PREX1: variants seen among roughly 807,000 people sequenced by gnomAD.
The protein encoded by PREX1 is phosphatidylinositol-3,4,5-trisphosphate dependent Rac exchange factor 1.
A neutral mutation model predicts 198.3 loss-of-function variants in PREX1; 41 were observed. The observed-to-expected ratio is 0.21, with a 90% CI of 0.16 to 0.27. PREX1 has a LOEUF of 0.27. Ranked by LOEUF, PREX1 falls within the 10% of genes least tolerant of loss-of-function variation. The pLI is 1.00. For missense variants in PREX1, 1,620 were observed against 2,200.7 expected (o/e 0.74, Z 5.28); for synonymous variants, 843 against 887.2 (o/e 0.95, Z 0.89).
chr20:48,797,078 A>G (rs1303382680), intron 1 of PREX1, among the ~76,000 whole-genome samples: 1 of 152,038 alleles, frequency 6.6e-6, no homozygotes, highest in Non-Finnish European at 1.5e-5. Context: ...TACAAGATAT[A>G]CCTAAAATAA....
Position 48,827,974 on chromosome 20 carries a change from G to C in PREX1, c.-114C>G. 3 of 291,318 alleles carry C rather than the reference G, an allele frequency of 1.0e-5. No individual in the cohort carries two copies. The highest frequency in any genetic ancestry group is 1.5e-5 in the Non-Finnish European group (3 of 198,854). The allele number at this position is 291,318 out of a possible 1,614,324, so 18.0% of individuals were successfully genotyped here. A position where few individuals can be genotyped will look rare whatever the true frequency, so the allele number is the denominator to read the frequency against. The stretch of plus-strand genomic sequence containing the variant: ...GGCGGGCCGGGCTCAGCGGCGGGCC[G>C]GGCTCCCGGCGCGGCGGGCGGGACT... On this transcript the variant is annotated 5_prime_UTR_variant, in exon 1 of 40. Transcript: ENST00000371941. This position sits in a 1 kb window ranked among gnomAD's most constrained non-coding sequence, Gnocchi z 4.1.
intron 1 of PREX1, among the ~76,000 whole-genome samples, chr20:48,770,390 AC>A (rs2090229973): frequency 6.6e-6 from 1 of 152,032 alleles, no homozygotes; most frequent in Non-Finnish European, 1.5e-5. Flanking sequence ...GTCAGGGAGG[AC>A]CCTGAGCATG....
At position 48,629,504 on chromosome 20, in the gene PREX1, G is replaced by C; in HGVS notation, c.4711C>G (p.Leu1571Val). The C allele has an allele frequency of 6.2e-7, 1 of 1,614,076 alleles. No homozygotes were observed. Among genetic ancestry groups the C allele is most frequent in the South Asian group, 1.1e-5 (1 of 91,088 alleles). ...GAGLIPISSE[L>V]CYRLGACQMV... ...TGGCAGGCCCCCAGGCGGTAGCAGA[G>C]CTCCGAGGAGATGGGGATGAGGCCG... The change falls in exon 37 of 40, where the codon CTC becomes GTC. Residue 1571 changes from leucine to valine, a missense_variant. Around this residue, in one of 7 missense-constraint regions of PREX1, gnomAD observed 476 missense variants for 603.4 expected, o/e 0.79. Transcript: ENST00000371941.
Position 48,625,866 on chromosome 20 carries a change from G to C in PREX1, c.*19C>G, listed in dbSNP as rs1311870290. Reference sequence around the variant, plus strand: ...TCCCAGCTCCAGAGGCCGCGGCCCAGCGTGGGGCATTTGGGTGTTCAGAGG... The same window carrying C: ...TCCCAGCTCCAGAGGCCGCGGCCCACCGTGGGGCATTTGGGTGTTCAGAGG... On this transcript the variant is annotated 3_prime_UTR_variant, in exon 40 of 40. Transcript: ENST00000371941. 6.4e-7 allele frequency: 1 copy of C among 1,557,728 alleles called. No individual in the cohort carries two copies. The highest frequency in any genetic ancestry group is 8.7e-7 in the Non-Finnish European group (1 of 1,151,510).
At chr20:48,870,750 C>A in the PREX1 span, among the ~76,000 whole-genome samples, 13 of 150,420 alleles carry the variant, frequency 8.6e-5, no homozygotes, top group Non-Finnish European at 1.2e-4. Context: ...GAATTCGAGA[C>A]CTACCTGGGT....
intron 25 of PREX1, among the ~76,000 whole-genome samples, chr20:48,647,383 T>G (rs2089459438): frequency 6.7e-6 from 1 of 150,250 alleles, no homozygotes; most frequent in African/African-American, 2.5e-5. Context: ...TAGCTGGGAG[T>G]GGTGGCGTGT....
rs144620041 is a variant in PREX1 at position 48,746,303 on chromosome 20, G to A, written c.292-1156C>T. 3.8e-3 allele frequency among the ~76,000 whole-genome samples: 573 copies of A among 152,334 alleles called. 1 individual carries two copies. The highest frequency in any genetic ancestry group is 0.013 in the African/African-American group (547 of 41,558). On this transcript the variant is annotated intron_variant, in intron 2 of 39. Coordinates refer to ENST00000371941, the MANE Select transcript of PREX1 (RefSeq NM_020820.4). ...CTCCCAAAGTGCTAGGATTACAGGCGTGAGCCACCTCGCCTGGCCCTCATG... is the reference window on the plus strand; with the variant it reads ...CTCCCAAAGTGCTAGGATTACAGGCATGAGCCACCTCGCCTGGCCCTCATG...
intron 1 of PREX1, among the ~76,000 whole-genome samples, chr20:48,782,821 T>C (rs6019418): frequency 0.65 from 98,131 of 151,980 alleles, 32,727 homozygotes; most frequent in African/African-American, 0.82. Context: ...CTCACTGCAG[T>C]GTGATGAGGA....
intron 30 of PREX1, 147 bp downstream of exon 30, chr20:48,639,619 C>G: frequency 7.9e-7 from 1 of 1,259,182 alleles, no homozygotes; most frequent in South Asian, 1.5e-5. Flanking sequence ...GGACACTCAG[C>G]TGAGAGAGGG....
At position 48,726,276 on chromosome 20, in the gene PREX1, C is replaced by T. The variant is rs779784856; in HGVS notation, c.621+14G>A. On this transcript the variant is annotated intron_variant, in intron 5 of 39. Coordinates refer to ENST00000371941, the MANE Select transcript of PREX1 (RefSeq NM_020820.4). ...AAAGAGTTTTCTGTCACTTCAAATA[C>T]GGGAAAGTCTCACCTTAAGGAGGAG... 9 of 1,603,014 alleles carry T rather than the reference C, an allele frequency of 5.6e-6. No homozygotes were observed. Among genetic ancestry groups the T allele is most frequent in the East Asian group, 2.2e-5 (1 of 44,806 alleles).
At chr20:48,705,706 C>CT (rs2089899769) in intron 6 of PREX1, among the ~76,000 whole-genome samples, 1 of 152,216 alleles carries the variant, frequency 6.6e-6, no homozygotes, top group African/African-American at 2.4e-5. Flanking sequence ...CACAAGTCAC[C>CT]TTGAGGAACA....
chr20:48,839,417 C>A, the PREX1 span, among the ~76,000 whole-genome samples: 1 of 152,328 alleles, frequency 6.6e-6, no homozygotes, highest in East Asian at 1.9e-4. Flanking sequence ...GGTATTCAAA[C>A]AGGCATAGTA....
At chr20:48,803,036 G>C (rs1320002042) in intron 1 of PREX1, among the ~76,000 whole-genome samples, 1 of 152,200 alleles carries the variant, frequency 6.6e-6, no homozygotes, top group African/African-American at 2.4e-5. Context: ...GGCATCTCAG[G>C]CCCTACTCCA....
intron 5 of PREX1, among the ~76,000 whole-genome samples, chr20:48,721,982 T>G (rs1601096639): frequency 6.7e-6 from 1 of 149,174 alleles, no homozygotes; most frequent in Non-Finnish European, 1.5e-5. Context: ...GGTGGGGAGG[T>G]GGTCTGGGGA....
intron 20 of PREX1, 133 bp downstream of exon 20, chr20:48,653,228 G>T: frequency 7.3e-7 from 1 of 1,372,534 alleles, no homozygotes; most frequent in South Asian, 1.4e-5. Flanking sequence ...GCTCCCTCTT[G>T]TTGGGTCAGC....
chr20:48,843,170 T>C, the PREX1 span, among the ~76,000 whole-genome samples: 1 of 152,202 alleles, frequency 6.6e-6, no homozygotes, highest in Non-Finnish European at 1.5e-5. Context: ...ATCCTAAAGA[T>C]GCAAGTGACA....
chr20:48,681,677 T>C (rs1342703286), intron 10 of PREX1, among the ~76,000 whole-genome samples: 2 of 146,340 alleles, frequency 1.4e-5, no homozygotes, highest in African/African-American at 2.6e-5. Context: ...AGTGACTACA[T>C]AGATGGATGG....
intron 24 of PREX1, 55 bp from the exon 25 acceptor site, chr20:48,649,631 C>T: frequency 6.6e-7 from 1 of 1,517,876 alleles, no homozygotes; most frequent in Non-Finnish European, 8.9e-7. Flanking sequence ...ATCCACTGGG[C>T]CTTTGGGCGG....
chr20:48,673,070 T>C (rs1053500198), intron 14 of PREX1, among the ~76,000 whole-genome samples: 3 of 151,786 alleles, frequency 2.0e-5, no homozygotes, highest in Admixed American at 1.3e-4. Flanking sequence ...TTGTCTAACT[T>C]CCCTACACTC....
Sources: gnomAD v4.1 joint callset for allele counts (sites outside exome capture counted in the v4.1 genomes callset) on GRCh38, gnomAD v4.1.1 for gene constraint, gnomAD v4.1.1 regional missense constraint, Gnocchi (gnomAD v3.1) non-coding constraint, MANE v1.5 for transcripts, NCBI Gene and HGNC (gene_info 2026-07-23, HGNC 2026-07-21) for gene names.